The following PHACTR3 variants were observed in gnomAD, a reference collection of about 807,000 sequenced individuals.
The protein encoded by PHACTR3 is phosphatase and actin regulator 3.
PHACTR3 carries 16 observed loss-of-function variants against 66.8 expected under a neutral mutation model. The ratio of observed to expected loss-of-function variants is 0.24; its 90% confidence interval spans 0.16 to 0.36. PHACTR3 has a LOEUF of 0.36. PHACTR3 is among the 10% of genes least tolerant of loss of function. PHACTR3 has a pLI of 1.00. For synonymous variants in PHACTR3, 323 were observed against 292.1 expected, an observed-to-expected ratio of 1.11 and a Z score of -1.08; for missense variants, 647 against 719.9, an observed-to-expected ratio of 0.90 and a Z score of 1.16.
chr20:59,833,892 AG>A (rs1464465814), intron 8 of PHACTR3, among the ~76,000 whole-genome samples: 10 of 152,120 alleles, frequency 6.6e-5, no homozygotes, highest in African/African-American at 2.4e-4. Context: ...GAAGTTTTAT[AG>A]GGTTGTGCCA....
At chr20:59,823,968 C>A (rs2042116748) in intron 8 of PHACTR3, among the ~76,000 whole-genome samples, 1 of 152,210 alleles carries the variant, frequency 6.6e-6, no homozygotes, top group Non-Finnish European at 1.5e-5. Context: ...CTGGTGTGGC[C>A]AGGCAGTTCT....
intron 1 of PHACTR3, among the ~76,000 whole-genome samples, chr20:59,599,451 A>G (rs2033413488): frequency 6.6e-6 from 1 of 152,112 alleles, no homozygotes; most frequent in African/African-American, 2.4e-5. Flanking sequence ...AAGTGCCCGC[A>G]AGAAGTAGCC....
intron 1 of PHACTR3, among the ~76,000 whole-genome samples, chr20:59,676,267 CTT>C (rs1247812456): frequency 6.6e-6 from 1 of 152,212 alleles, no homozygotes; most frequent in Non-Finnish European, 1.5e-5. Context: ...GGATTCAGGA[CTT>C]TGGTTCAGGT....
chr20:59,767,601 C>A (rs2040222881), intron 5 of PHACTR3, among the ~76,000 whole-genome samples: 1 of 152,114 alleles, frequency 6.6e-6, no homozygotes, highest in South Asian at 2.1e-4. Flanking sequence ...TCAGGGCAGG[C>A]CCAGAGGAGT....
intron 1 of PHACTR3, among the ~76,000 whole-genome samples, chr20:59,622,349 GTCC>G (rs2034272723): frequency 6.6e-6 from 1 of 152,056 alleles, no homozygotes; most frequent in South Asian, 2.1e-4. Flanking sequence ...ATGCTTTAAG[GTCC>G]TCCTCTATAA....
intron 7 of PHACTR3, among the ~76,000 whole-genome samples, chr20:59,798,642 T>C (rs2041323114): frequency 6.6e-6 from 1 of 152,170 alleles, no homozygotes; most frequent in African/African-American, 2.4e-5. Context: ...TTTATTAGCA[T>C]GAAGTGATTC....
At chr20:59,627,104 A>G (rs2034480512) in intron 1 of PHACTR3, among the ~76,000 whole-genome samples, 1 of 152,194 alleles carries the variant, frequency 6.6e-6, no homozygotes, top group South Asian at 2.1e-4. Context: ...GAGGGGAGCT[A>G]ATGTCTGAAG....
intron 1 of PHACTR3, among the ~76,000 whole-genome samples, chr20:59,701,762 C>A (rs1026605486): frequency 6.6e-6 from 1 of 152,180 alleles, no homozygotes; most frequent in African/African-American, 2.4e-5. Context: ...TCAGGGCTTA[C>A]ACTTGCTGTT....
chr20:59,732,716 T>C (rs2038811840), intron 1 of PHACTR3, among the ~76,000 whole-genome samples: 1 of 152,142 alleles, frequency 6.6e-6, no homozygotes, highest in African/African-American at 2.4e-5. Flanking sequence ...CAGGCCATTG[T>C]TAAAAACCAT....
At chr20:59,629,245 G>A (rs889413538) in intron 1 of PHACTR3, among the ~76,000 whole-genome samples, 1 of 152,194 alleles carries the variant, frequency 6.6e-6, no homozygotes, top group Admixed American at 6.5e-5. Flanking sequence ...TCCAGTGGCA[G>A]GGGCAGCCTC....
chr20:59,836,615 G>A (rs2058971827), intron 9 of PHACTR3, 55 bp downstream of exon 9: 4 of 1,562,582 alleles, frequency 2.6e-6, no homozygotes, highest in African/African-American at 2.8e-5. Context: ...TGAGGCTGTT[G>A]CACAAATCCT....
chr20:59,795,867 A>G (rs2041239380), intron 7 of PHACTR3, among the ~76,000 whole-genome samples: 1 of 152,044 alleles, frequency 6.6e-6, no homozygotes, highest in African/African-American at 2.4e-5. Flanking sequence ...TTAGAGGTGA[A>G]GTGAATCTCT....
chr20:59,805,891 C>T lies in PHACTR3; in HGVS notation c.1175-150C>T, dbSNP rs6027128. On this transcript the variant is annotated intron_variant, in intron 7 of 12. Transcript: ENST00000371015. ...TCCACTGGAAAGTGCCGCAAGCTGG[C>T]GAGCGTGTGTCCTCTCAGTTCTAGC... The T allele has an allele frequency of 7.1e-3, 5,792 of 810,410 alleles. 151 individuals are homozygous for T. Among genetic ancestry groups the T allele is most frequent in the East Asian group, 0.067 (2,677 of 40,008 alleles). 50.2% of individuals were successfully genotyped at this position (810,410 alleles called of 1,614,324 possible).
chr20:59,759,020 GTCA>G (rs2039905073), intron 4 of PHACTR3, among the ~76,000 whole-genome samples: 1 of 152,200 alleles, frequency 6.6e-6, no homozygotes, highest in African/African-American at 2.4e-5. Context: ...CATCGTCATT[GTCA>G]TCTGTTGTCT....
intron 1 of PHACTR3, among the ~76,000 whole-genome samples, chr20:59,692,189 G>A (rs1361917659): frequency 1.3e-5 from 2 of 152,178 alleles, no homozygotes; most frequent in Non-Finnish European, 2.9e-5. Context: ...CCCAGGGCAT[G>A]GTGTTTGATA....
At chr20:59,694,297 G>T (rs1256040218) in intron 1 of PHACTR3, among the ~76,000 whole-genome samples, 1 of 152,062 alleles carries the variant, frequency 6.6e-6, no homozygotes, top group East Asian at 1.9e-4. Context: ...GTCTCCCTCT[G>T]CTTGTCACAC....
chr20:59,837,662 G>A (rs1568872636), intron 9 of PHACTR3, among the ~76,000 whole-genome samples: 1 of 152,180 alleles, frequency 6.6e-6, no homozygotes, highest in Admixed American at 6.5e-5. Context: ...TAGGCAGACA[G>A]AAAAGTCAAG....
At chr20:59,745,459 G>A (rs1275063035) in intron 2 of PHACTR3, among the ~76,000 whole-genome samples, 1 of 151,524 alleles carries the variant, frequency 6.6e-6, no homozygotes, top group African/African-American at 2.5e-5. Context: ...GTTTTTACCT[G>A]CAGCATCCCC....
At chr20:59,782,408 T>C (rs2040754782) in intron 7 of PHACTR3, among the ~76,000 whole-genome samples, 1 of 152,114 alleles carries the variant, frequency 6.6e-6, no homozygotes, top group Non-Finnish European at 1.5e-5. Context: ...CATACCACCA[T>C]GCCTGGCTAA....
Sources: allele counts gnomAD v4.1 joint callset (sites outside exome capture counted in the v4.1 genomes callset), GRCh38; gene constraint gnomAD v4.1.1; transcripts MANE v1.5; gene names NCBI Gene and HGNC (gene_info 2026-07-23, HGNC 2026-07-21).